COL5A2: variants seen among roughly 807,000 people sequenced by gnomAD.
The protein encoded by COL5A2 is collagen type V alpha 2 chain.
A neutral mutation model predicts 208.2 loss-of-function variants in COL5A2; 23 were observed. That is an observed-to-expected ratio of 0.11 (90% CI 0.08 to 0.16). The LOEUF is 0.16. Ranked by LOEUF, COL5A2 falls within the 10% of genes least tolerant of loss-of-function variation. COL5A2 has a pLI of 1.00. For missense variants in COL5A2, 1,590 were observed against 1,956.4 expected (o/e 0.81, Z 3.53); for synonymous variants, 625 against 628.5 (o/e 0.99, Z 0.08).
chr2:189,282,272 T>C, the COL5A2 span, among the ~76,000 whole-genome samples: 2 of 152,094 alleles, frequency 1.3e-5, no homozygotes, highest in African/African-American at 4.8e-5. Flanking sequence ...AAAATTTGAT[T>C]ACATAATTTC....
upstream of COL5A2, among the ~76,000 whole-genome samples, chr2:189,182,462 T>A (rs201935523): frequency 6.6e-5 from 10 of 152,268 alleles, no homozygotes; most frequent in East Asian, 1.4e-3. Context: ...CCAGAGTGAA[T>A]GTTCTCACCC....
the COL5A2 span, among the ~76,000 whole-genome samples, chr2:189,437,352 C>A: frequency 2.6e-5 from 4 of 152,202 alleles, no homozygotes; most frequent in Non-Finnish European, 5.9e-5. Context: ...TGTTAGAATG[C>A]AGATTCTGAT....
At chr2:189,418,800 G>C in the COL5A2 span, among the ~76,000 whole-genome samples, 1 of 152,148 alleles carries the variant, frequency 6.6e-6, no homozygotes, top group African/African-American at 2.4e-5. Flanking sequence ...TCCTCAGCAA[G>C]ACTCAGTCCC....
rs550074710 is a variant in COL5A2 at position 189,037,455 on chromosome 2, A to G, written c.3926-652T>C. 1.3e-5 allele frequency among the ~76,000 whole-genome samples: 2 copies of G among 152,308 alleles called. 1 individual carries two copies. The highest frequency in any genetic ancestry group is 4.1e-4 in the South Asian group (2 of 4,830). On this transcript the variant is annotated intron_variant, in intron 51 of 53. Coordinates refer to ENST00000374866, the MANE Select transcript of COL5A2 (RefSeq NM_000393.5). ...GTATGTGAGAATTGCATTTTAAATG[A>G]AAGTGTCGGAATGTAATGTATAGAG...
chr2:189,266,882 T>C, the COL5A2 span, among the ~76,000 whole-genome samples: 2 of 152,060 alleles, frequency 1.3e-5, no homozygotes, highest in African/African-American at 4.8e-5. Flanking sequence ...TGACCAGTCA[T>C]TCTACTCCTA....
At chr2:189,104,183 C>T (rs1252367964) in intron 3 of COL5A2, 81 bp downstream of exon 3, 3 of 1,031,282 alleles carry the variant, frequency 2.9e-6, no homozygotes, top group Non-Finnish European at 4.6e-6. Context: ...AGCTTTCAAA[C>T]GTTTCAGAGC....
At chr2:189,166,874 G>T (rs2105811293) in intron 1 of COL5A2, among the ~76,000 whole-genome samples, 1 of 152,298 alleles carries the variant, frequency 6.6e-6, no homozygotes, top group Non-Finnish European at 1.5e-5. Context: ...TAGGGCATCT[G>T]GACTATATTA....
At chr2:189,179,868 C>G (rs1688751107), upstream of COL5A2, 2 of 601,770 alleles carry the variant, frequency 3.3e-6, no homozygotes, top group South Asian at 4.2e-5. Context: ...CAGTGTCTGC[C>G]AAGCAACGGT....
At chr2:189,278,391 T>C in the COL5A2 span, among the ~76,000 whole-genome samples, 1 of 152,102 alleles carries the variant, frequency 6.6e-6, no homozygotes, top group Non-Finnish European at 1.5e-5. Flanking sequence ...TCTTGCCTGG[T>C]TAATAATTAA....
chr2:189,082,217 T>A (rs781773236), intron 12 of COL5A2, among the ~76,000 whole-genome samples: 1 of 152,228 alleles, frequency 6.6e-6, no homozygotes, highest in Non-Finnish European at 1.5e-5. Flanking sequence ...TTTCATTCAC[T>A]ATTTCTAAAT....
chr2:189,437,383 A>T, the COL5A2 span, among the ~76,000 whole-genome samples: 2 of 152,328 alleles, frequency 1.3e-5, no homozygotes, highest in Admixed American at 6.5e-5. Context: ...TGGGTAGGGC[A>T]TGAGTTTCTG....
the COL5A2 span, among the ~76,000 whole-genome samples, chr2:189,244,981 C>T: frequency 1.3e-5 from 2 of 152,128 alleles, no homozygotes; most frequent in East Asian, 3.9e-4. Flanking sequence ...AAAGAGAGAG[C>T]TTGTGCAGAG....
At chr2:189,228,703 G>T (rs1478861080), upstream of COL5A2, among the ~76,000 whole-genome samples, 1 of 151,786 alleles carries the variant, frequency 6.6e-6, no homozygotes, top group Non-Finnish European at 1.5e-5. Context: ...CCCAGCACCA[G>T]AATGGCTTCA....
At chr2:189,239,734 C>T in the COL5A2 span, among the ~76,000 whole-genome samples, 1 of 151,552 alleles carries the variant, frequency 6.6e-6, no homozygotes, top group African/African-American at 2.4e-5. Context: ...CTAACCTACA[C>T]ATTGTGCACA....
chr2:189,208,175 C>T (rs1689164703), intron 1 of COL5A2, among the ~76,000 whole-genome samples: 1 of 152,190 alleles, frequency 6.6e-6, no homozygotes, highest in African/African-American at 2.4e-5. Flanking sequence ...CCCTCCAACC[C>T]ACCCTCCTTT....
the COL5A2 span, among the ~76,000 whole-genome samples, chr2:189,280,643 A>G: frequency 2.0e-5 from 3 of 152,254 alleles, no homozygotes; most frequent in Admixed American, 2.0e-4. Context: ...TGTATCAATC[A>G]ATTCTGTATT....
At chr2:189,181,651 C>T (rs1688781911), upstream of COL5A2, among the ~76,000 whole-genome samples, 1 of 152,144 alleles carries the variant, frequency 6.6e-6, no homozygotes, top group African/African-American at 2.4e-5. Flanking sequence ...AGACGGCAGA[C>T]ATTTATGGAG....
chr2:189,039,025 G>A (rs905787753), intron 51 of COL5A2, among the ~76,000 whole-genome samples: 4 of 152,052 alleles, frequency 2.6e-5, no homozygotes, highest in Non-Finnish European at 4.4e-5. Context: ...ATACTGACTC[G>A]TGTGAGATGG....
chr2:189,144,891 A>C (rs1576554314), intron 1 of COL5A2, among the ~76,000 whole-genome samples: 1 of 152,240 alleles, frequency 6.6e-6, no homozygotes, highest in East Asian at 1.9e-4. Flanking sequence ...CAGAAGAGGA[A>C]CTCAACACTG....
Sources: gnomAD v4.1 joint callset for allele counts (sites outside exome capture counted in the v4.1 genomes callset) on GRCh38, gnomAD v4.1.1 for gene constraint, MANE v1.5 for transcripts, NCBI Gene and HGNC (gene_info 2026-07-23, HGNC 2026-07-21) for gene names.